SF3B2: variants seen among roughly 807,000 people sequenced by gnomAD.
The protein encoded by SF3B2 is SAP 145.
SF3B2 carries 22 observed loss-of-function variants against 116.3 expected under a neutral mutation model. That is an observed-to-expected ratio of 0.19 (90% confidence interval 0.14 to 0.27). The LOEUF is 0.27. SF3B2 is among the 10% of genes least tolerant of loss of function. The pLI, the probability that SF3B2 is intolerant of heterozygous loss-of-function variation, is 1.00. For missense variants in SF3B2, 767 were observed against 1,151.4 expected (o/e 0.67, Z 4.83); for synonymous variants, 406 against 421.6 (o/e 0.96, Z 0.45).
At chr11:66,060,491 T>A in intron 13 of SF3B2, 91 bp from the exon 14 acceptor site, 2 of 1,464,852 alleles carry the variant, frequency 1.4e-6, no homozygotes, top group Non-Finnish European at 1.9e-6. Context: ...TAATTGAGGC[T>A]TCCCATGATC....
chr11:66,067,739 C>T (rs1230279144), intron 19 of SF3B2: 2 of 562,602 alleles, frequency 3.6e-6, no homozygotes, highest in Non-Finnish European at 6.4e-6. Context: ...GGCCCCTTAG[C>T]TCCATCTGTG....
intron 5 of SF3B2, chr11:66,055,890 C>T: frequency 2.7e-6 from 1 of 366,528 alleles, no homozygotes; most frequent in Non-Finnish European, 4.9e-6. Context: ...AAATATTTAC[C>T]TTCTGACCTA....
Position 66,068,248 on chromosome 11 carries a change from A to T in SF3B2, c.2531A>T (p.Tyr844Phe). 1 of 1,614,100 alleles carries T rather than the reference A, an allele frequency of 6.2e-7. No individual in the cohort carries two copies. ...ELDPMAMTQK[Y>F]EEHVREQQAQ... ...GATCCTATGGCCATGACCCAGAAGT[A>T]TGAGGAGCATGTGCGGGAGCAGCAG... is the stretch of plus-strand genomic sequence containing the variant. Residue 844 changes from tyrosine (Y) to phenylalanine (F), a missense_variant, in exon 21 of 22, where the codon TAT becomes TTT. Tyr to Phe is a conservative substitution (Grantham distance 22). Coordinates refer to ENST00000322535, the MANE Select transcript of SF3B2 (RefSeq NM_006842.3).
At position 66,057,157 on chromosome 11, in the gene SF3B2, G is replaced by C. The variant is rs1811125054; in HGVS notation, c.668-109G>C. The C allele has an allele frequency of 1.6e-5, 14 of 890,482 alleles. No individual in the cohort carries two copies. In the South Asian group the frequency reaches 1.7e-4, roughly 11 times the overall value. 55.2% of individuals were successfully genotyped at this position (890,482 alleles called of 1,614,324 possible). Reference sequence around the variant, plus strand: ...ACCAGCATTCCAAAAGCCACGCCACGTGCCCTCCTCCCCTGCAGGTTTACC... The same window carrying C: ...ACCAGCATTCCAAAAGCCACGCCACCTGCCCTCCTCCCCTGCAGGTTTACC... On this transcript the variant is annotated intron_variant, in intron 6 of 21. Transcript: ENST00000322535.
At position 66,058,246 on chromosome 11, in the gene SF3B2, G is replaced by A. The variant is rs1261782965; in HGVS notation, c.875-68G>A. On this transcript the variant is annotated intron_variant, in intron 8 of 21. Coordinates refer to ENST00000322535, the MANE Select transcript of SF3B2 (RefSeq NM_006842.3). ...TCCCTTTCCCTGGCTCTTGGTAAAG[G>A]CAGGTTACTGTGAACGAGTGCAGGG... The A allele has an allele frequency of 2.5e-5, 40 of 1,574,440 alleles. No individual in the cohort carries two copies. The Middle Eastern group carries it at 5.2e-4, about 20-fold the overall frequency.
At position 66,063,686 on chromosome 11, in the gene SF3B2, C is replaced by G; in HGVS notation, c.2287C>G (p.Leu763Val). 6.2e-7 allele frequency: 1 copy of G among 1,613,676 alleles called. No homozygotes were observed. Among genetic ancestry groups the G allele is most frequent in the Non-Finnish European group, 8.5e-7 (1 of 1,179,850 alleles). The change falls in exon 19 of 22, where the codon CTC becomes GTC. Residue 763 changes from leucine (L) to valine (V), a missense_variant. Leu to Val is a conservative substitution (Grantham distance 32, BLOSUM62 1). Around this residue, in one of 4 missense-constraint regions of SF3B2, gnomAD observed 282 missense variants for 568.0 expected, o/e 0.50. Transcript: ENST00000322535. ...GCCTGCTGGAATGGAGACCCCTGAA[C>G]TCATTGAGCTGAGGAAGAAGAAGAT... is the stretch of plus-strand genomic sequence containing the variant. ...SVPAGMETPE[L>V]IELRKKKIEE...
chr11:66,057,377 T>C lies in SF3B2; in HGVS notation c.777+2T>C. 7.9e-7 allele frequency: 1 copy of C among 1,273,132 alleles called. No individual in the cohort carries two copies. Among genetic ancestry groups the C allele is most frequent in the Non-Finnish European group, 1.1e-6 (1 of 873,506 alleles). 78.9% of individuals were successfully genotyped at this position (1,273,132 alleles called of 1,614,324 possible). ...CCCCCTGGAGATGAGAACAGAGAGG[T>C]GAGACTGATGATTTATTCCTAGGGA... On this transcript the variant is annotated splice_donor_variant, in intron 7 of 21. Transcript: ENST00000322535. LOFTEE classifies it high-confidence loss of function.
chr11:66,068,662 C>T lies in SF3B2; in HGVS notation c.2617-12C>T, dbSNP rs889999606. Reference sequence around the variant, plus strand: ...AACCTGTCTTAACCTGTGTCTCTTTCTCCCTATACAGCAAAAAAAACGGAA... The same window carrying T: ...AACCTGTCTTAACCTGTGTCTCTTTTTCCCTATACAGCAAAAAAAACGGAA... On this transcript the variant is annotated splice_polypyrimidine_tract_variant and intron_variant, in intron 21 of 21. Coordinates refer to ENST00000322535, the MANE Select transcript of SF3B2 (RefSeq NM_006842.3). 3 of 1,613,554 alleles carry T rather than the reference C, an allele frequency of 1.9e-6. No individual in the cohort carries two copies. The African/African-American group carries it at 4.0e-5, about 22-fold the overall frequency.
At chr11:66,061,240 C>T (rs565650572) in intron 14 of SF3B2, among the ~76,000 whole-genome samples, 12 of 152,276 alleles carry the variant, frequency 7.9e-5, no homozygotes, top group African/African-American at 2.2e-4. Context: ...ATAGACTCTT[C>T]GTATCCTGTC....
At chr11:66,054,470 CTT>C (rs1856956378) in intron 3 of SF3B2, among the ~76,000 whole-genome samples, 1 of 101,108 alleles carries the variant, frequency 9.9e-6, no homozygotes, top group South Asian at 4.0e-4. Context: ...GAGCGAGACT[CTT>C]GTCTCAAAAA....
In SF3B2 at chr11:66,063,444, A is replaced by G. The variant is rs746618971; in HGVS notation, c.2130A>G (p.Glu710=). ...AGATTGATCGGACCCCTTGGGGGGAACTGGAACCATCTGATGAAGAATCCT... is the reference window on the plus strand; with the variant it reads ...AGATTGATCGGACCCCTTGGGGGGAGCTGGAACCATCTGATGAAGAATCCT... ...EEEIDRTPWG[E]LEPSDEESSE... The change falls in exon 18 of 22, where the codon GAA becomes GAG. Residue 710 remains glutamate (E), a synonymous_variant. Transcript: ENST00000322535. 1 of 1,614,146 alleles carries G rather than the reference A, an allele frequency of 6.2e-7. No homozygotes were observed. Among genetic ancestry groups the G allele is most frequent in the South Asian group, 1.1e-5 (1 of 91,080 alleles).
chr11:66,064,046 A>G (rs1857139476), intron 19 of SF3B2, among the ~76,000 whole-genome samples: 1 of 152,208 alleles, frequency 6.6e-6, no homozygotes, highest in Non-Finnish European at 1.5e-5. Flanking sequence ...CGCCAGCCAC[A>G]GGATCATCTG....
At position 66,059,943 on chromosome 11, in the gene SF3B2, C is replaced by T; in HGVS notation, c.1563C>T (p.Pro521=). 6.2e-7 allele frequency: 1 copy of T among 1,614,204 alleles called. No individual in the cohort carries two copies. The highest frequency in any genetic ancestry group is 8.5e-7 in the Non-Finnish European group (1 of 1,180,030). The change falls in exon 13 of 22, where the codon CCC becomes CCT. Residue 521 remains proline, a synonymous_variant. Transcript: ENST00000322535. The surrounding 1 kb of genome is among the most constrained non-coding windows in gnomAD (Gnocchi z 5.0). ...GCAAACGGGGCATTGAGAAGCCCCC[C>T]TTCGAGCTGCCAGACTTCATCAAAC... is the stretch of plus-strand genomic sequence containing the variant. ...LQGKRGIEKP[P]FELPDFIKRT... is the part of the protein sequence containing the mutation.
rs11554200 is a variant in SF3B2 at position 66,059,284 on chromosome 11, G to C, written c.1266G>C (p.Lys422Asn). Residue 422 changes from lysine to asparagine, a missense_variant, in exon 11 of 22, where the codon AAG becomes AAC. Physicochemically the swap from Lys to Asn is moderately conservative, Grantham distance 94. Transcript: ENST00000322535. This position sits in a 1 kb window ranked among gnomAD's most constrained non-coding sequence, Gnocchi z 5.0. The stretch of plus-strand genomic sequence containing the variant: ...AGAACTCTGCAGCCCCCAAGAAGAA[G>C]GGATTTGAAGAGGAGCACAAGGACA... Reference protein sequence around the residue: ...KLENSAAPKKKGFEEEHKDSD... With the variant: ...KLENSAAPKKNGFEEEHKDSD... 11 of 1,613,954 alleles carry C rather than the reference G, an allele frequency of 6.8e-6. No individual in the cohort carries two copies. Among genetic ancestry groups the C allele is most frequent in the Non-Finnish European group, 9.3e-6 (11 of 1,180,014 alleles).
In SF3B2 at chr11:66,053,080, C is replaced by T. The variant is rs777265027; in HGVS notation, c.234C>T (p.Ala78=). ...TGAGAGGGGAAGATGGGGACAAAGC[C>T]GCTCCACCTCCCATGTCGGCACAGG... ...PVLRGEDGDK[A]APPPMSAQLP... The change falls in exon 3 of 22, where the codon GCC becomes GCT. Residue 78 remains alanine, a synonymous_variant. Coordinates refer to ENST00000322535, the MANE Select transcript of SF3B2 (RefSeq NM_006842.3). 2.5e-6 allele frequency: 4 copies of T among 1,613,938 alleles called. No homozygotes were observed. The South Asian group carries it at 4.4e-5, about 18-fold the overall frequency.
Position 66,068,969 on chromosome 11 carries a change from T to C in SF3B2, c.*224T>C, listed in dbSNP as rs1224082115. 1.4e-5 allele frequency: 7 copies of C among 515,538 alleles called. No homozygotes were observed. Among genetic ancestry groups the C allele is most frequent in the African/African-American group, 1.3e-4 (7 of 52,474 alleles). The allele number at this position is 515,538 out of a possible 1,614,324, so 31.9% of individuals were successfully genotyped here. On this transcript the variant is annotated 3_prime_UTR_variant, in exon 22 of 22. Coordinates refer to ENST00000322535, the MANE Select transcript of SF3B2 (RefSeq NM_006842.3). ...CTTGCAAAAGGACTAAAATAGTCTC[T>C]TTCTACAATCACTGGGCTGCCCCAG...
intron 3 of SF3B2, among the ~76,000 whole-genome samples, chr11:66,054,835 T>C (rs1414555587): frequency 1.3e-5 from 2 of 152,336 alleles, no homozygotes; most frequent in East Asian, 3.9e-4. Context: ...TCTCCTAGAA[T>C]TGTATGCAGA....
Position 66,053,158 on chromosome 11 carries a change from C to G in SF3B2, c.258+54C>G, listed in dbSNP as rs1035236139. On this transcript the variant is annotated intron_variant, in intron 3 of 21. Coordinates refer to ENST00000322535, the MANE Select transcript of SF3B2 (RefSeq NM_006842.3). The stretch of plus-strand genomic sequence containing the variant: ...TCCATCTGCTGATCCTTTTGTAGTT[C>G]ATGAGCATGATGATTGGGTGTTCAC... The G allele has an allele frequency of 5.3e-6, 8 of 1,521,038 alleles. No individual in the cohort carries two copies. In the African/African-American group the frequency reaches 1.1e-4, roughly 21 times the overall value. The allele number at this position is 1,521,038 out of a possible 1,614,324, so 94.2% of individuals were successfully genotyped here. A position where few individuals can be genotyped will look rare whatever the true frequency, so the allele number is the denominator to read the frequency against.
At chr11:66,063,571 A>G in intron 18 of SF3B2, 29 bp downstream of exon 18, 2 of 1,611,390 alleles carry the variant, frequency 1.2e-6, no homozygotes, top group Non-Finnish European at 1.7e-6. Context: ...GCCTCTTGGA[A>G]GTGGGCTATC....
Sources: gnomAD v4.1 joint callset for allele counts (sites outside exome capture counted in the v4.1 genomes callset) on GRCh38, gnomAD v4.1.1 for gene constraint, gnomAD v4.1.1 regional missense constraint, Gnocchi (gnomAD v3.1) non-coding constraint, MANE v1.5 for transcripts, NCBI Gene and HGNC (gene_info 2026-07-23, HGNC 2026-07-21) for gene names.